The following CNTN5 variants were observed in gnomAD, a reference collection of about 807,000 sequenced individuals.
CNTN5 encodes contactin-5.
Under a neutral mutation model 129.1 loss-of-function variants are expected in CNTN5, and 77 were observed. That is an observed-to-expected ratio of 0.60 (90% confidence interval 0.50 to 0.72). The LOEUF is 0.72. Ranked by LOEUF, CNTN5 falls within the 30% of genes least tolerant of loss-of-function variation. The pLI is 0.00. For synonymous variants in CNTN5, 509 were observed against 465.6 expected, an observed-to-expected ratio of 1.09 and a Z score of -1.20; for missense variants, 1,478 against 1,328.8, an observed-to-expected ratio of 1.11 and a Z score of -1.75.
chr11:99,587,605 C>T (rs1949839541), intron 3 of CNTN5, among the ~76,000 whole-genome samples: 1 of 151,714 alleles, frequency 6.6e-6, no homozygotes, highest in South Asian at 2.1e-4. Flanking sequence ...TCTTTCCAAA[C>T]ACCACTCAGA....
At chr11:99,818,541 C>T (rs1303415197) in intron 3 of CNTN5, among the ~76,000 whole-genome samples, 1 of 151,592 alleles carries the variant, frequency 6.6e-6, no homozygotes, top group African/African-American at 2.4e-5. Flanking sequence ...AAGGCATGAG[C>T]CGACGTGCCT....
intron 6 of CNTN5, among the ~76,000 whole-genome samples, chr11:99,876,785 G>C (rs927687142): frequency 7.9e-5 from 12 of 152,110 alleles, no homozygotes; most frequent in South Asian, 2.1e-4. Context: ...ATGAGGCTCA[G>C]ATATATTAAG....
chr11:99,311,519 G>C (rs1175456641), intron 1 of CNTN5, among the ~76,000 whole-genome samples: 1 of 152,012 alleles, frequency 6.6e-6, no homozygotes, highest in Non-Finnish European at 1.5e-5. Context: ...TTTCACTAGG[G>C]AAGGGGTTCT....
In CNTN5 at chr11:99,133,114, G is replaced by A. The variant is rs575974084; in HGVS notation, c.-210+111844G>A. Among the ~76,000 whole-genome samples the A allele has an allele frequency of 2.1e-3, 312 of 152,128 alleles. 2 individuals are homozygous for A. The highest frequency in any genetic ancestry group is 7.1e-3 in the African/African-American group (295 of 41,526). ...AGAAATAAGGCCACACACCTACAAC[G>A]ATCTGATCTTTGAAAAACCTGACAG... On this transcript the variant is annotated intron_variant, in intron 1 of 24. Transcript: ENST00000524871.
intron 3 of CNTN5, among the ~76,000 whole-genome samples, chr11:99,706,444 G>A (rs944907296): frequency 1.3e-5 from 2 of 151,368 alleles, no homozygotes; most frequent in African/African-American, 2.4e-5. Flanking sequence ...TAGCTTAATA[G>A]CTTTCTTATT....
intron 6 of CNTN5, among the ~76,000 whole-genome samples, chr11:99,854,636 A>T (rs1300121662): frequency 6.6e-6 from 1 of 152,206 alleles, no homozygotes; most frequent in Non-Finnish European, 1.5e-5. Context: ...AGTCACACAG[A>T]TAAGGAATGT....
intron 2 of CNTN5, among the ~76,000 whole-genome samples, chr11:99,474,354 C>T (rs192157623): frequency 1.2e-3 from 185 of 152,154 alleles, no homozygotes; most frequent in African/African-American, 4.2e-3. Flanking sequence ...GATTTGAAAT[C>T]CTAACTTTAC....
intron 6 of CNTN5, among the ~76,000 whole-genome samples, chr11:99,856,955 C>T (rs369607095): frequency 4.6e-5 from 7 of 151,920 alleles, no homozygotes; most frequent in South Asian, 2.1e-4. Context: ...CAATAACCCA[C>T]GTCTCTCTGA....
At chr11:100,111,417 T>C (rs910380346) in intron 13 of CNTN5, among the ~76,000 whole-genome samples, 3 of 152,152 alleles carry the variant, frequency 2.0e-5, no homozygotes, top group African/African-American at 7.2e-5. Flanking sequence ...AACCAAGTTA[T>C]CTTTGTGATC....
intron 2 of CNTN5, among the ~76,000 whole-genome samples, chr11:99,520,852 A>G (rs879284181): frequency 6.6e-6 from 1 of 152,152 alleles, no homozygotes; most frequent in Non-Finnish European, 1.5e-5. Flanking sequence ...AAAAATGTCA[A>G]CTGGGCACCT....
At chr11:99,805,822 A>G (rs1946251867) in intron 3 of CNTN5, among the ~76,000 whole-genome samples, 1 of 152,188 alleles carries the variant, frequency 6.6e-6, no homozygotes, top group Non-Finnish European at 1.5e-5. Context: ...ACCAACTGTC[A>G]TTTTCTAAAA....
intron 2 of CNTN5, among the ~76,000 whole-genome samples, chr11:99,462,199 A>G (rs1412072172): frequency 2.6e-5 from 4 of 152,152 alleles, no homozygotes; most frequent in Admixed American, 2.0e-4. Flanking sequence ...CACTGACTCT[A>G]TTTTTAAAAT....
intron 3 of CNTN5, among the ~76,000 whole-genome samples, chr11:99,734,186 CAG>C (rs1723082188): frequency 6.6e-6 from 1 of 152,182 alleles, no homozygotes; most frequent in African/African-American, 2.4e-5. Flanking sequence ...ATAATCATAT[CAG>C]AGTCAATGGA....
intron 8 of CNTN5, among the ~76,000 whole-genome samples, chr11:99,961,563 A>C (rs1950947805): frequency 6.6e-6 from 1 of 152,210 alleles, no homozygotes; most frequent in Non-Finnish European, 1.5e-5. Flanking sequence ...CTGAAATCAA[A>C]GTTAGCACTA....
chr11:99,623,351 T>C (rs1228230164), intron 3 of CNTN5, among the ~76,000 whole-genome samples: 1 of 152,130 alleles, frequency 6.6e-6, no homozygotes, highest in Non-Finnish European at 1.5e-5. Flanking sequence ...ATGGTCAAGA[T>C]ACTATCTTTG....
chr11:99,204,645 T>A (rs1437041736), intron 1 of CNTN5, among the ~76,000 whole-genome samples: 4 of 152,198 alleles, frequency 2.6e-5, no homozygotes, highest in Admixed American at 1.3e-4. Flanking sequence ...CAGTGTGCAA[T>A]GGAAGAGCTT....
At chr11:99,562,245 C>A (rs1948866598) in intron 3 of CNTN5, among the ~76,000 whole-genome samples, 1 of 152,136 alleles carries the variant, frequency 6.6e-6, no homozygotes, top group Non-Finnish European at 1.5e-5. Context: ...GCCTTCCTTG[C>A]ACTTTTTTTT....
intron 1 of CNTN5, among the ~76,000 whole-genome samples, chr11:99,286,085 T>C (rs890539896): frequency 1.3e-5 from 2 of 151,410 alleles, no homozygotes; most frequent in Non-Finnish European, 2.9e-5. Flanking sequence ...TAACAGAGTC[T>C]TCATATTTTT....
chr11:99,093,646 T>C, intron 1 of CNTN5, among the ~76,000 whole-genome samples: 1 of 151,982 alleles, frequency 6.6e-6, no homozygotes, highest in East Asian at 1.9e-4. Context: ...AGAAAGGCAA[T>C]GTCAAATGAA....
Sources: allele counts gnomAD v4.1 joint callset (sites outside exome capture counted in the v4.1 genomes callset), GRCh38; gene constraint gnomAD v4.1.1; transcripts MANE v1.5; gene names NCBI Gene and HGNC (gene_info 2026-07-23, HGNC 2026-07-21).